Variants in WRAP73 observed in about 807,000 individuals in gnomAD.
WRAP73 encodes the protein WD repeat-containing protein WRAP73.
In WRAP73, 55 loss-of-function variants were observed where a neutral mutation model predicts 59.6. The ratio of observed to expected loss-of-function variants is 0.92; its 90% CI spans 0.74 to 1.15. The LOEUF is 1.15. WRAP73 is among the 50% of genes most tolerant of loss of function. The pLI, the probability that WRAP73 is intolerant of heterozygous loss-of-function variation, is 0.00. For synonymous variants in WRAP73, 265 were observed against 258.2 expected, an observed-to-expected ratio of 1.03 and a Z score of -0.25; for missense variants, 592 against 608.1, an observed-to-expected ratio of 0.97 and a Z score of 0.28.
At chr1:3,648,082 G>A (rs1415473592) in intron 1 of WRAP73, among the ~76,000 whole-genome samples, 1 of 152,150 alleles carries the variant, frequency 6.6e-6, no homozygotes, top group Non-Finnish European at 1.5e-5. Context: ...CAAAAGACAG[G>A]CTTTCACTTC....
chr1:3,633,495 A>G lies in WRAP73; in HGVS notation c.825T>C (p.Tyr275=), dbSNP rs1644560180. Residue 275 remains tyrosine (Y), a synonymous_variant, in exon 9 of 12, where the codon TAT becomes TAC. Coordinates refer to ENST00000270708, the MANE Select transcript of WRAP73 (RefSeq NM_017818.4). Reference sequence around the variant, plus strand: ...GCTGTGGGCTCTTCTCGGCCTCCTTATACACCACCTGAAAGACACAAGGTG... The same window carrying G: ...GCTGTGGGCTCTTCTCGGCCTCCTTGTACACCACCTGAAAGACACAAGGTG... The part of the protein sequence containing the change: ...AAINDPKIVV[Y]KEAEKSPQLG... 1.9e-6 allele frequency: 3 copies of G among 1,599,450 alleles called. No individual in the cohort carries two copies. Among genetic ancestry groups the G allele is most frequent in the South Asian group, 2.2e-5 (2 of 88,998 alleles).
intron 3 of WRAP73, among the ~76,000 whole-genome samples, chr1:3,641,633 C>T (rs890299767): frequency 6.6e-6 from 1 of 152,250 alleles, no homozygotes; most frequent in African/African-American, 2.4e-5. Flanking sequence ...AGCCCCATGC[C>T]ACGGGCGAAC....
chr1:3,636,272 C>T (rs1644588565), intron 5 of WRAP73: 1 of 520,008 alleles, frequency 1.9e-6, no homozygotes, highest in Non-Finnish European at 3.5e-6. Flanking sequence ...CCCGCGCCTG[C>T]ACTCGTGTGC....
At chr1:3,638,028 A>G (rs970759992) in intron 4 of WRAP73, among the ~76,000 whole-genome samples, 2 of 152,246 alleles carry the variant, frequency 1.3e-5, no homozygotes, top group Admixed American at 1.3e-4. Context: ...GAGGGACGCT[A>G]ATATTCCAAC....
At chr1:3,637,299 C>T (rs1557458111) in intron 4 of WRAP73, among the ~76,000 whole-genome samples, 1 of 152,210 alleles carries the variant, frequency 6.6e-6, no homozygotes, top group Admixed American at 6.5e-5. Flanking sequence ...TGCCTTCACC[C>T]TCACAACGCA....
At chr1:3,649,047 A>T (rs1644715914) in intron 1 of WRAP73, among the ~76,000 whole-genome samples, 1 of 152,194 alleles carries the variant, frequency 6.6e-6, no homozygotes, top group South Asian at 2.1e-4. Context: ...GGTGGTGGAT[A>T]AGGAAAACGA....
intron 1 of WRAP73, among the ~76,000 whole-genome samples, chr1:3,649,637 C>T (rs949358909): frequency 4.6e-5 from 7 of 150,874 alleles, no homozygotes; most frequent in Non-Finnish European, 8.9e-5. Flanking sequence ...GCTTGGGGTA[C>T]CTGCCTGGGC....
At position 3,639,238 on chromosome 1, in the gene WRAP73, A is replaced by T. The variant is rs1374537768; in HGVS notation, c.340-416T>A. The T allele has an allele frequency of 1.0e-5, 2 of 194,748 alleles. No homozygotes were observed. The highest frequency in any genetic ancestry group is 4.8e-5 in the African/African-American group (2 of 41,890). The allele number at this position is 194,748 out of a possible 1,614,324, so 12.1% of individuals were successfully genotyped here. On this transcript the variant is annotated intron_variant, in intron 3 of 11. Coordinates refer to ENST00000270708, the MANE Select transcript of WRAP73 (RefSeq NM_017818.4). This position sits in a 1 kb window ranked among gnomAD's most constrained non-coding sequence, Gnocchi z 4.3. ...ATTGGATGCAGCCACTCCGGGACTC[A>T]CCAGGGGGCTGTGAGCCTGCATCTG... is the stretch of plus-strand genomic sequence containing the variant.
At position 3,638,837 on chromosome 1, in the gene WRAP73, G is replaced by C; in HGVS notation, c.340-15C>G. Reference sequence around the variant, plus strand: ...GTTATCCGCAGCTGTTGGGGGAAAGGGGAAAGAGAAAGGAAACACTTCTTT... The same window carrying C: ...GTTATCCGCAGCTGTTGGGGGAAAGCGGAAAGAGAAAGGAAACACTTCTTT... On this transcript the variant is annotated splice_polypyrimidine_tract_variant and intron_variant, in intron 3 of 11. Coordinates refer to ENST00000270708, the MANE Select transcript of WRAP73 (RefSeq NM_017818.4). 6.2e-7 allele frequency: 1 copy of C among 1,613,628 alleles called. No homozygotes were observed. The highest frequency in any genetic ancestry group is 8.5e-7 in the Non-Finnish European group (1 of 1,179,666).
chr1:3,638,667 C>T, intron 4 of WRAP73, 83 bp downstream of exon 4: 1 of 1,508,532 alleles, frequency 6.6e-7, no homozygotes, highest in South Asian at 1.1e-5. Context: ...GCTGAAGCTA[C>T]TTCTGCCTCT....
At chr1:3,637,119 AC>A (rs1373068211) in intron 4 of WRAP73, 21 bp from the exon 5 acceptor site, 1 of 1,586,080 alleles carries the variant, frequency 6.3e-7, no homozygotes, top group African/African-American at 1.3e-5. Context: ...AGGCAAATGC[AC>A]TGAAATCAAG....
At chr1:3,634,896 GTTAAATAATAAACCACAATCAAGA>G (rs1386658106) in intron 8 of WRAP73, 77 bp downstream of exon 8, 15 of 1,391,680 alleles carry the variant, frequency 1.1e-5, no homozygotes, top group Non-Finnish European at 1.4e-5. Flanking sequence ...GAAGTGCCCG[GTTAAATAATAAACCACAATCAAGA>G]AAGCAAAGTG....
chr1:3,633,335 T>C (rs1644556930), intron 9 of WRAP73, 63 bp downstream of exon 9: 6 of 1,468,398 alleles, frequency 4.1e-6, no homozygotes, highest in Non-Finnish European at 5.7e-6. Flanking sequence ...CCGAAGTTTA[T>C]CTGGACAACG....
chr1:3,633,587 C>T (rs1570293520), intron 8 of WRAP73, 84 bp from the exon 9 acceptor site: 2 of 1,074,200 alleles, frequency 1.9e-6, no homozygotes, highest in East Asian at 5.3e-5. Context: ...CATGACAGCG[C>T]ATGGTCAACA....
At chr1:3,634,472 TC>T (rs1644570564) in intron 8 of WRAP73, 1 of 175,838 alleles carries the variant, frequency 5.7e-6, no homozygotes, top group Non-Finnish European at 1.2e-5. Context: ...GAACGCTCCC[TC>T]CCCGAGTCCC....
chr1:3,634,017 T>C (rs1644566492), intron 8 of WRAP73: 1 of 154,622 alleles, frequency 6.5e-6, no homozygotes, highest in Non-Finnish European at 1.4e-5. Flanking sequence ...TTCATGCCTT[T>C]AAAGCATGCT....
chr1:3,632,868 G>C (rs1644552018), intron 9 of WRAP73: 1 of 206,520 alleles, frequency 4.8e-6, no homozygotes, highest in African/African-American at 2.4e-5. Context: ...CGAGCCCCGG[G>C]GTGGGCCCGT....
chr1:3,635,889 T>C (rs2101957978), intron 6 of WRAP73, 55 bp downstream of exon 6: 1 of 1,456,100 alleles, frequency 6.9e-7, no homozygotes, highest in Non-Finnish European at 9.6e-7. Flanking sequence ...TCAGAAAGCA[T>C]GAAATTCCGG....
In WRAP73 at chr1:3,637,043, G is replaced by A; in HGVS notation, c.468C>T (p.Cys156=). 1.2e-6 allele frequency: 2 copies of A among 1,613,594 alleles called. No individual in the cohort carries two copies. The highest frequency in any genetic ancestry group is 1.7e-6 in the Non-Finnish European group (2 of 1,180,008). The change falls in exon 5 of 12, where the codon TGC becomes TGT. Residue 156 remains cysteine, a synonymous_variant. Coordinates refer to ENST00000270708, the MANE Select transcript of WRAP73 (RefSeq NM_017818.4). ...RYMALAERRD[C]KDYVSIFVCS... ...AGACGAAGATGCTCACGTAATCTTT[G>A]CAGTCGCGCCGTTCTGCCAGCGCCA...
Sources: allele counts gnomAD v4.1 joint callset (sites outside exome capture counted in the v4.1 genomes callset), GRCh38; gene constraint gnomAD v4.1.1; non-coding constraint Gnocchi (gnomAD v3.1); transcripts MANE v1.5; gene names NCBI Gene and HGNC (gene_info 2026-07-23, HGNC 2026-07-21).